Variants in GNAI3 observed in about 807,000 individuals in gnomAD.
GNAI3 encodes G protein subunit alpha i3, also known as guanine nucleotide-binding protein G(i) subunit alpha-3.
In GNAI3, 12 loss-of-function variants were observed where a neutral mutation model predicts 41.8. The observed-to-expected ratio is 0.29, with a 90% CI of 0.18 to 0.47. GNAI3 has a LOEUF of 0.47. GNAI3 is among the 20% of genes least tolerant of loss of function. GNAI3 has a pLI of 1.00. For synonymous variants in GNAI3, 132 were observed against 146.5 expected, an observed-to-expected ratio of 0.90 and a Z score of 0.71; for missense variants, 360 against 429.6, an observed-to-expected ratio of 0.84 and a Z score of 1.43.
rs985527682 is a variant in GNAI3, at chr1:109,594,267, T to A, written c.*1945T>A. 2 of 152,198 alleles carry A rather than the reference T, an allele frequency of 1.3e-5. No individual in the cohort carries two copies. Among genetic ancestry groups the A allele is most frequent in the Admixed American group, 1.3e-4 (2 of 15,274 alleles). 9.4% of individuals were successfully genotyped at this position (152,198 alleles called of 1,614,324 possible). A position where few individuals can be genotyped will look rare whatever the true frequency, so the allele number is the denominator to read the frequency against. ...AAATGAGACCTGGTGGAATATTATT[T>A]TCAACTGTAGTCTTTCTATACTGTG... On this transcript the variant is annotated 3_prime_UTR_variant, in exon 9 of 9. Transcript: ENST00000369851.
In GNAI3 at chr1:109,598,893, G is replaced by C. The variant is rs764484786; in HGVS notation, c.*6571G>C. 1 of 534,620 alleles carries C rather than the reference G, an allele frequency of 1.9e-6. No homozygotes were observed. Among genetic ancestry groups the C allele is most frequent in the African/African-American group, 1.9e-5 (1 of 51,948 alleles). The allele number at this position is 534,620 out of a possible 1,614,324, so 33.1% of individuals were successfully genotyped here. A position where few individuals can be genotyped will look rare whatever the true frequency, so the allele number is the denominator to read the frequency against. The stretch of plus-strand genomic sequence containing the variant: ...ATCCTTCTGGAATCTGTGCTCTGGG[G>C]GCTGTGCCGGGTAGAGAGGGCAGTG... On this transcript the variant is annotated 3_prime_UTR_variant, in exon 9 of 9. Coordinates refer to ENST00000369851, the MANE Select transcript of GNAI3 (RefSeq NM_006496.4).
At position 109,573,964 on chromosome 1, in the gene GNAI3, C is replaced by T. The variant is rs764823071; in HGVS notation, c.230C>T (p.Thr77Ile). Residue 77 changes from threonine (T) to isoleucine (I), a missense_variant, in exon 3 of 9, where the codon ACT becomes ATT. Physicochemically the swap from Thr to Ile is moderately conservative, Grantham distance 89 (BLOSUM62 -1). Transcript: ENST00000369851. ...TATAAAGTAGTTGTCTACAGCAATA[C>T]TATACAGTCCATCATTGCAATCATA... is the stretch of plus-strand genomic sequence containing the variant. Reference protein sequence around the residue: ...KQYKVVVYSNTIQSIIAIIRA... With the variant: ...KQYKVVVYSNIIQSIIAIIRA... 5.6e-6 allele frequency: 9 copies of T among 1,604,756 alleles called. No individual in the cohort carries two copies. The highest frequency in any genetic ancestry group is 3.3e-5 in the Admixed American group (2 of 59,990).
chr1:109,578,410 C>T (rs1283432951), intron 3 of GNAI3, among the ~76,000 whole-genome samples: 2 of 130,172 alleles, frequency 1.5e-5, no homozygotes, highest in African/African-American at 3.0e-5. Context: ...GCGGAGGTTA[C>T]AAGGAGCCGA....
chr1:109,595,877 A>G lies in GNAI3; in HGVS notation c.*3555A>G, dbSNP rs1454712355. 1 of 152,076 alleles carries G rather than the reference A, an allele frequency of 6.6e-6. No homozygotes were observed. The highest frequency in any genetic ancestry group is 2.4e-5 in the African/African-American group (1 of 41,414). 9.4% of individuals were successfully genotyped at this position (152,076 alleles called of 1,614,324 possible). ...CCTCTACTCATTTGTATAAACCTAAAACGTCACTGTTTTCCTTGAGCGTTA... is the reference window on the plus strand; with the variant it reads ...CCTCTACTCATTTGTATAAACCTAAGACGTCACTGTTTTCCTTGAGCGTTA... On this transcript the variant is annotated 3_prime_UTR_variant, in exon 9 of 9. Coordinates refer to ENST00000369851, the MANE Select transcript of GNAI3 (RefSeq NM_006496.4).
rs749523208 is a variant in GNAI3, at chr1:109,598,915, A to G, written c.*6593A>G. 1.9e-6 allele frequency: 1 copy of G among 534,952 alleles called. No homozygotes were observed. The highest frequency in any genetic ancestry group is 3.8e-6 in the Non-Finnish European group (1 of 260,076). 33.1% of individuals were successfully genotyped at this position (534,952 alleles called of 1,614,324 possible). On this transcript the variant is annotated 3_prime_UTR_variant, in exon 9 of 9. Coordinates refer to ENST00000369851, the MANE Select transcript of GNAI3 (RefSeq NM_006496.4). ...GGGGGCTGTGCCGGGTAGAGAGGGCAGTGGGAGGTAAGAGCTCTTCACCCT... is the reference window on the plus strand; with the variant it reads ...GGGGGCTGTGCCGGGTAGAGAGGGCGGTGGGAGGTAAGAGCTCTTCACCCT...
intron 1 of GNAI3, among the ~76,000 whole-genome samples, chr1:109,555,951 A>AGTGCGTGCGTGCGTGCGTGCGTGCGTGC (rs567621395): frequency 8.5e-6 from 1 of 117,312 alleles, no homozygotes; most frequent in South Asian, 2.9e-4. Flanking sequence ...TGGGGAAAGG[A>AGTGCGTGCGTGCGTGCGTGCGTGCGTGC]GTGCGTGCGT....
At chr1:109,577,303 G>A (rs1449099394) in intron 3 of GNAI3, among the ~76,000 whole-genome samples, 3 of 143,746 alleles carry the variant, frequency 2.1e-5, no homozygotes, top group African/African-American at 8.0e-5. Context: ...TTGAGATGGA[G>A]TTTTGCTCTG....
chr1:109,566,579 C>T (rs768321539), intron 1 of GNAI3, among the ~76,000 whole-genome samples: 3 of 151,710 alleles, frequency 2.0e-5, no homozygotes, highest in Admixed American at 6.6e-5. Flanking sequence ...TTTGTTTGTT[C>T]GAGATGGAGT....
chr1:109,548,694 G>T lies in GNAI3; in HGVS notation c.-27G>T. Reference sequence around the variant, plus strand: ...GTTTCCGTGGTGTGAGTGAGTCCGGGCCCGTGTCCCCTCTCCCGCCGCCGC... The same window carrying T: ...GTTTCCGTGGTGTGAGTGAGTCCGGTCCCGTGTCCCCTCTCCCGCCGCCGC... On this transcript the variant is annotated 5_prime_UTR_variant, in exon 1 of 9. Transcript: ENST00000369851. The T allele has an allele frequency of 6.6e-7, 1 of 1,514,396 alleles. No homozygotes were observed. Among genetic ancestry groups the T allele is most frequent in the Non-Finnish European group, 9.2e-7 (1 of 1,090,988 alleles). The allele number at this position is 1,514,396 out of a possible 1,614,324, so 93.8% of individuals were successfully genotyped here.
At chr1:109,577,286 T>TG (rs1410525069) in intron 3 of GNAI3, among the ~76,000 whole-genome samples, 1 of 150,730 alleles carries the variant, frequency 6.6e-6, no homozygotes, top group Non-Finnish European at 1.5e-5. Context: ...TTGTTTTTTT[T>TG]TTTTTTTTGA....
intron 5 of GNAI3, among the ~76,000 whole-genome samples, chr1:109,584,428 A>G (rs907676434): frequency 2.6e-5 from 4 of 152,218 alleles, no homozygotes; most frequent in African/African-American, 9.7e-5. Flanking sequence ...TGTGATCATT[A>G]TTTAGTGTTG....
At chr1:109,564,860 T>A (rs1648408577) in intron 1 of GNAI3, among the ~76,000 whole-genome samples, 1 of 152,232 alleles carries the variant, frequency 6.6e-6, no homozygotes, top group South Asian at 2.1e-4. Flanking sequence ...ATGTGCCCTT[T>A]AAGCCTTTTT....
intron 5 of GNAI3, among the ~76,000 whole-genome samples, chr1:109,584,119 C>T (rs1648965199): frequency 6.6e-6 from 1 of 152,126 alleles, no homozygotes; most frequent in Non-Finnish European, 1.5e-5. Context: ...ACCTCAAATC[C>T]TCTCAGTTCT....
chr1:109,574,828 C>A (rs966005086), intron 3 of GNAI3, among the ~76,000 whole-genome samples: 1 of 151,752 alleles, frequency 6.6e-6, no homozygotes, highest in Non-Finnish European at 1.5e-5. Context: ...TGTGCCATGG[C>A]GAAATAAAAG....
chr1:109,582,842 G>A (rs866284023), intron 5 of GNAI3, among the ~76,000 whole-genome samples: 10 of 151,984 alleles, frequency 6.6e-5, no homozygotes, highest in South Asian at 2.1e-4. Flanking sequence ...TAACTGGTTT[G>A]TTTTAATTTT....
chr1:109,549,810 A>C (rs1647935474), intron 1 of GNAI3, among the ~76,000 whole-genome samples: 1 of 152,184 alleles, frequency 6.6e-6, no homozygotes, highest in Non-Finnish European at 1.5e-5. Context: ...ATGTTATTTG[A>C]TAGTCGTTTT....
At chr1:109,551,818 A>G (rs577672774) in intron 1 of GNAI3, among the ~76,000 whole-genome samples, 16 of 152,328 alleles carry the variant, frequency 1.1e-4, no homozygotes, top group African/African-American at 3.8e-4. Context: ...CAGACACTTC[A>G]GTATTGTAAT....
chr1:109,562,250 A>G (rs1648330663), intron 1 of GNAI3, among the ~76,000 whole-genome samples: 1 of 152,262 alleles, frequency 6.6e-6, no homozygotes, highest in Non-Finnish European at 1.5e-5. Flanking sequence ...AACTATTTAC[A>G]TAGCATTTAC....
chr1:109,569,171 C>A (rs1648530351), intron 1 of GNAI3, among the ~76,000 whole-genome samples: 1 of 152,170 alleles, frequency 6.6e-6, no homozygotes, highest in East Asian at 1.9e-4. Context: ...GATAAAGCTT[C>A]TGTGTTGAAC....
Sources: gnomAD v4.1 joint callset for allele counts (sites outside exome capture counted in the v4.1 genomes callset) on GRCh38, gnomAD v4.1.1 for gene constraint, MANE v1.5 for transcripts, NCBI Gene and HGNC (gene_info 2026-07-23, HGNC 2026-07-21) for gene names.